GABRR2: variants seen among roughly 807,000 people sequenced by gnomAD.
GABRR2 encodes gamma-aminobutyric acid type A receptor subunit rho2.
GABRR2 carries 36 observed loss-of-function variants against 47.0 expected under a neutral mutation model. The ratio of observed to expected loss-of-function variants is 0.77; its 90% CI spans 0.59 to 1.01. The LOEUF is 1.01. Among genes scored for constraint, GABRR2 ranks in the 50% least tolerant of loss-of-function variants. GABRR2 has a pLI of 0.00. For synonymous variants in GABRR2, 204 were observed against 227.5 expected, an observed-to-expected ratio of 0.90 and a Z score of 0.93; for missense variants, 587 against 594.6, an observed-to-expected ratio of 0.99 and a Z score of 0.13.
chr6:89,258,062 C>T (rs1773649329), intron 8 of GABRR2, 81 bp from the exon 9 acceptor site: 1 of 1,279,754 alleles, frequency 7.8e-7, no homozygotes, highest in African/African-American at 1.5e-5. Context: ...AGCAAAGCCA[C>T]ATTGCTACTC....
In GABRR2 at chr6:89,267,661, G is replaced by T. The variant is rs1324478593; in HGVS notation, c.736+18C>A. 1.9e-6 allele frequency: 3 copies of T among 1,604,280 alleles called. No individual in the cohort carries two copies. The highest frequency in any genetic ancestry group is 2.6e-6 in the Non-Finnish European group (3 of 1,176,136). The stretch of plus-strand genomic sequence containing the variant: ...CTTTCTTGCACATTTGAATCAGATT[G>T]TGGCAAAAGATAGCTACCAGTGCTG... On this transcript the variant is annotated intron_variant, in intron 6 of 8. Coordinates refer to ENST00000402938, the MANE Select transcript of GABRR2 (RefSeq NM_002043.5).
chr6:89,298,320 G>T (rs1774591955), intron 2 of GABRR2, among the ~76,000 whole-genome samples: 2 of 152,220 alleles, frequency 1.3e-5, no homozygotes, highest in South Asian at 4.1e-4. Context: ...CACACAAGAG[G>T]AAGGTCTGGC....
At chr6:89,284,528 G>A (rs907960147) in intron 2 of GABRR2, among the ~76,000 whole-genome samples, 14 of 152,182 alleles carry the variant, frequency 9.2e-5, no homozygotes, top group African/African-American at 2.9e-4. Flanking sequence ...GAAGAGAGAG[G>A]CAGAAGAGAA....
At chr6:89,284,177 AC>A in intron 2 of GABRR2, among the ~76,000 whole-genome samples, 1 of 152,264 alleles carries the variant, frequency 6.6e-6, no homozygotes. Flanking sequence ...TACCAAGGGT[AC>A]CTTGGGAGGG....
At chr6:89,279,716 G>A (rs562193430) in intron 2 of GABRR2, among the ~76,000 whole-genome samples, 1 of 150,426 alleles carries the variant, frequency 6.6e-6, no homozygotes, top group Non-Finnish European at 1.5e-5. Flanking sequence ...TACACTGCCT[G>A]TATCTGAATT....
intron 8 of GABRR2, among the ~76,000 whole-genome samples, chr6:89,260,847 T>C (rs973048104): frequency 6.6e-6 from 1 of 152,208 alleles, no homozygotes; most frequent in Non-Finnish European, 1.5e-5. Flanking sequence ...CTCAGCTCTA[T>C]TGGGAAACAT....
intron 8 of GABRR2, among the ~76,000 whole-genome samples, chr6:89,258,503 C>T (rs982063554): frequency 2.1e-5 from 3 of 144,218 alleles, no homozygotes; most frequent in Non-Finnish European, 3.0e-5. Context: ...GCCAGTATTT[C>T]AAGACCAGCC....
rs141720382 is a variant in GABRR2 at position 89,291,226 on chromosome 6, C to T, written c.220+8533G>A. Among the ~76,000 whole-genome samples, 1,038 of 152,204 alleles carry T rather than the reference C, an allele frequency of 6.8e-3. 2 individuals carry two copies. The highest frequency in any genetic ancestry group is 0.012 in the Non-Finnish European group (789 of 68,002). On this transcript the variant is annotated intron_variant, in intron 2 of 8. Coordinates refer to ENST00000402938, the MANE Select transcript of GABRR2 (RefSeq NM_002043.5). The stretch of plus-strand genomic sequence containing the variant: ...CTCCATTTCTTTCTGTGGTCTTCAG[C>T]CCCTCATCAGCTGTGGCCTGGAGCA...
rs139776306 is a variant in GABRR2 at position 89,305,404 on chromosome 6, G to T, written c.114-5539C>A. Among the ~76,000 whole-genome samples the T allele has an allele frequency of 6.6e-5, 10 of 151,474 alleles. No individual in the cohort carries two copies. The East Asian group carries it at 1.8e-3, about 27-fold the overall frequency. Reference sequence around the variant, plus strand: ...CATAAAAAAGAATTTGATCAGCTGGGGGTGGTGGCTCACACCTGTAATCCC... The same window carrying T: ...CATAAAAAAGAATTTGATCAGCTGGTGGTGGTGGCTCACACCTGTAATCCC... On this transcript the variant is annotated intron_variant, in intron 1 of 8. Transcript: ENST00000402938.
At chr6:89,264,667 C>G in intron 7 of GABRR2, 59 bp from the exon 8 acceptor site, 1 of 1,580,730 alleles carries the variant, frequency 6.3e-7, no homozygotes, top group South Asian at 1.1e-5. Flanking sequence ...CCTCATATCT[C>G]ACTAAGTCAC....
rs563726589 is a variant in GABRR2 at position 89,277,229 on chromosome 6, C to T, written c.221-5507G>A. ...TTATAAGGGGCTCTTCCCCACTTTG[C>T]TCAGCACTTCTCCGTCCTGCTGCCT... On this transcript the variant is annotated intron_variant, in intron 2 of 8. Transcript: ENST00000402938. Among the ~76,000 whole-genome samples, 51 of 152,326 alleles carry T rather than the reference C, an allele frequency of 3.3e-4. No homozygotes were observed. In the Middle Eastern group the frequency reaches 0.017, roughly 51 times the overall value.
intron 1 of GABRR2, among the ~76,000 whole-genome samples, chr6:89,313,478 G>T (rs1360223853): frequency 6.6e-6 from 1 of 152,170 alleles, no homozygotes. Context: ...GAGTTCAGGG[G>T]ACTTGCTGGG....
In GABRR2 at chr6:89,276,953, G is replaced by A. The variant is rs115041821; in HGVS notation, c.221-5231C>T. The stretch of plus-strand genomic sequence containing the variant: ...TGAAGTCCTCCATGTAGAAAACTAT[G>A]AAACATTATTGAGAGAAATTAAAGC... On this transcript the variant is annotated intron_variant, in intron 2 of 8. Coordinates refer to ENST00000402938, the MANE Select transcript of GABRR2 (RefSeq NM_002043.5). Among the ~76,000 whole-genome samples the A allele has an allele frequency of 2.9e-3, 435 of 152,276 alleles. 2 individuals are homozygous for A. The highest frequency in any genetic ancestry group is 0.01 in the African/African-American group (425 of 41,542).
At chr6:89,310,552 A>G (rs1203961136) in intron 1 of GABRR2, among the ~76,000 whole-genome samples, 1 of 152,064 alleles carries the variant, frequency 6.6e-6, no homozygotes, top group African/African-American at 2.4e-5. Context: ...TTAAATTGTC[A>G]TCAACATGCT....
At chr6:89,299,687 G>A in intron 2 of GABRR2, 72 bp downstream of exon 2, 2 of 975,646 alleles carry the variant, frequency 2.0e-6, no homozygotes, top group Non-Finnish European at 3.3e-6. Flanking sequence ...GTGCCAGAGG[G>A]AGCCAGAGAG....
At chr6:89,297,220 T>C (rs1291855622) in intron 2 of GABRR2, among the ~76,000 whole-genome samples, 1 of 152,218 alleles carries the variant, frequency 6.6e-6, no homozygotes, top group Non-Finnish European at 1.5e-5. Flanking sequence ...TAATAGTATA[T>C]ATTAAAACAA....
Position 89,269,187 on chromosome 6 carries a change from C to G in GABRR2, c.336G>C (p.Arg112Ser). The change falls in exon 4 of 9, where the codon AGG (arginine) becomes AGC (serine). Residue 112 changes from arginine (R) to serine (S), a missense_variant. Transcript: ENST00000402938. ...TGTTGCTGGCGCTGGAGAAAGCTAG[C>G]CTCTCATCCTTCCAGTAATGCCGCA... ...LYLRHYWKDE[R>S]LAFSSASNKS... 1 of 1,614,058 alleles carries G rather than the reference C, an allele frequency of 6.2e-7. No individual in the cohort carries two copies.
rs536514010 is a variant in GABRR2, at chr6:89,275,758, G to A, written c.221-4036C>T. Among the ~76,000 whole-genome samples, 30 of 152,274 alleles carry A rather than the reference G, an allele frequency of 2.0e-4. No homozygotes were observed. In the South Asian group the frequency reaches 5.6e-3, roughly 28 times the overall value. On this transcript the variant is annotated intron_variant, in intron 2 of 8. Coordinates refer to ENST00000402938, the MANE Select transcript of GABRR2 (RefSeq NM_002043.5). ...GATGACTTCAAGGGGCTGTGGGACA[G>A]GATTAGGGCCCAAGTGCTCATTTAG...
At chr6:89,301,902 G>A (rs1767448659) in intron 1 of GABRR2, 4 of 1,098,938 alleles carry the variant, frequency 3.6e-6, no homozygotes, top group South Asian at 1.2e-5. Flanking sequence ...TGGGGAACTC[G>A]GACTTGGAGC....
Sources: gnomAD v4.1 joint callset for allele counts (sites outside exome capture counted in the v4.1 genomes callset) on GRCh38, gnomAD v4.1.1 for gene constraint, MANE v1.5 for transcripts, NCBI Gene and HGNC (gene_info 2026-07-23, HGNC 2026-07-21) for gene names.